Variants in TFRC observed in about 807,000 individuals in gnomAD.
TFRC encodes the protein transferrin receptor.
In TFRC, 35 loss-of-function variants were observed where a neutral mutation model predicts 85.8. That is an observed-to-expected ratio of 0.41 (90% confidence interval 0.31 to 0.54). TFRC has a LOEUF of 0.54. Among genes scored for constraint, TFRC ranks in the 20% least tolerant of loss-of-function variants. TFRC has a pLI of 0.31. For missense variants in TFRC, 828 were observed against 921.5 expected (o/e 0.90, Z 1.31); for synonymous variants, 362 against 328.6 (o/e 1.10, Z -1.10).
At chr3:196,071,864 A>G in intron 5 of TFRC, 139 bp downstream of exon 5, 1 of 897,394 alleles carries the variant, frequency 1.1e-6, no homozygotes, top group Non-Finnish European at 1.7e-6. Flanking sequence ...AGATTGTGCC[A>G]CTGCACTCCA....
chr3:196,066,305 T>C (rs1577236640), intron 9 of TFRC, among the ~76,000 whole-genome samples: 1 of 152,118 alleles, frequency 6.6e-6, no homozygotes, highest in South Asian at 2.1e-4. Flanking sequence ...ATAAAAAATA[T>C]TCCTCAGCTG....
Position 196,065,431 on chromosome 3 carries a change from G to GC in TFRC, c.1198+11_1198+12insG. 4 of 468,608 alleles carry GC rather than the reference G, an allele frequency of 8.5e-6. No individual in the cohort carries two copies. The highest frequency in any genetic ancestry group is 1.2e-5 in the Non-Finnish European group (4 of 338,928). The allele number at this position is 468,608 out of a possible 1,614,324, so 29.0% of individuals were successfully genotyped here. On this transcript the variant is annotated intron_variant, in intron 10 of 18. Coordinates refer to ENST00000360110, the MANE Select transcript of TFRC (RefSeq NM_001128148.3). ...AAAAAGCGGGGCGGGGGGGGGGGGG[G>GC]GCGGTCTTTACCTGGTTCTACAAAG... is the stretch of plus-strand genomic sequence containing the variant.
chr3:196,062,578 T>G lies in TFRC; in HGVS notation c.1468+4A>C, dbSNP rs547419625. The G allele has an allele frequency of 1.9e-6, 3 of 1,606,776 alleles. No homozygotes were observed. Among genetic ancestry groups the G allele is most frequent in the African/African-American group, 1.3e-5 (1 of 74,596 alleles). Reference sequence around the variant, plus strand: ...CATACACAGCTAATGAAAGGGATACTTACCAAGAACCGCTTTATCCAGATT... The same window carrying G: ...CATACACAGCTAATGAAAGGGATACGTACCAAGAACCGCTTTATCCAGATT... On this transcript the variant is annotated splice_donor_region_variant and intron_variant, in intron 13 of 18. Transcript: ENST00000360110.
At position 196,065,649 on chromosome 3, in the gene TFRC, G is replaced by A. The variant is rs757044558; in HGVS notation, c.1041-49C>T. 9.7e-6 allele frequency: 15 copies of A among 1,552,150 alleles called. No individual in the cohort carries two copies. In the South Asian group the frequency reaches 1.8e-4, roughly 19 times the overall value. ...GTTCTGAGTTATTGTTCCTTGCCCA[G>A]GGTTTACTCCTGTCCAGTGAAGTTA... is the stretch of plus-strand genomic sequence containing the variant. On this transcript the variant is annotated intron_variant, in intron 9 of 18. Transcript: ENST00000360110.
intron 16 of TFRC, chr3:196,055,576 C>A: frequency 2.0e-6 from 1 of 493,882 alleles, no homozygotes; most frequent in Non-Finnish European, 3.7e-6. Flanking sequence ...AGACTTCTAG[C>A]CAAATTCCTT....
chr3:196,060,288 G>T (rs374310004), intron 13 of TFRC, 41 bp from the exon 14 acceptor site: 1 of 1,545,176 alleles, frequency 6.5e-7, no homozygotes, highest in South Asian at 1.1e-5. Context: ...TCTCCATTCC[G>T]ATAATTTTCA....
At position 196,081,232 on chromosome 3, in the gene TFRC, T is replaced by C. The variant is rs41300413; in HGVS notation, c.-24+811A>G. ...AGTCACTCCTATGGCTCCCGTCTTGTAGTGAGAACTGCTAGCAATATTCTT... is the reference window on the plus strand; with the variant it reads ...AGTCACTCCTATGGCTCCCGTCTTGCAGTGAGAACTGCTAGCAATATTCTT... On this transcript the variant is annotated intron_variant, in intron 1 of 18. Transcript: ENST00000360110. 9.2e-3 allele frequency among the ~76,000 whole-genome samples: 1,408 copies of C among 152,314 alleles called. 10 individuals carry two copies. The highest frequency in any genetic ancestry group is 0.015 in the Non-Finnish European group (1,044 of 68,028).
At chr3:196,068,950 A>C (rs1011708233) in intron 7 of TFRC, among the ~76,000 whole-genome samples, 23 of 151,794 alleles carry the variant, frequency 1.5e-4, no homozygotes, top group Admixed American at 3.9e-4. Context: ...AAAAAAGAAA[A>C]GAAAAATAAC....
At chr3:196,064,857 A>G (rs1717582911) in intron 10 of TFRC, among the ~76,000 whole-genome samples, 1 of 152,238 alleles carries the variant, frequency 6.6e-6, no homozygotes, top group Non-Finnish European at 1.5e-5. Flanking sequence ...CTGCCCCCTT[A>G]AGAAATTTGC....
Position 196,080,153 on chromosome 3 carries a change from G to C in TFRC, c.-24+1890C>G, listed in dbSNP as rs118084882. ...TGGCATCTCGCTGTCGCGCAGGCTG[G>C]AGTGCAGTAGCACGATCTCAGCTCA... On this transcript the variant is annotated intron_variant, in intron 1 of 18. Coordinates refer to ENST00000360110, the MANE Select transcript of TFRC (RefSeq NM_001128148.3). Among the ~76,000 whole-genome samples the C allele has an allele frequency of 4.6e-3, 693 of 152,254 alleles. 33 individuals are homozygous for C. The East Asian group carries it at 0.077, about 17-fold the overall frequency.
intron 4 of TFRC, among the ~76,000 whole-genome samples, chr3:196,073,715 T>G (rs1718420549): frequency 6.6e-6 from 1 of 152,122 alleles, no homozygotes; most frequent in African/African-American, 2.4e-5. Flanking sequence ...TATTAATTTT[T>G]TAAGAAAAAG....
At position 196,069,540 on chromosome 3, in the gene TFRC, G is replaced by A. The variant is rs764651246; in HGVS notation, c.716C>T (p.Thr239Ile). ...TGKLVHANFG[T>I]KKDFEDLYTP... ...GTATAAATCCTCAAAATCTTTTTTA[G>A]TACCAAAATTAGCATGGACCAGTTT... Residue 239 changes from threonine to isoleucine, a missense_variant, in exon 7 of 19, where the codon ACT becomes ATT. Transcript: ENST00000360110. 3 of 1,611,800 alleles carry A rather than the reference G, an allele frequency of 1.9e-6. No individual in the cohort carries two copies. The East Asian group carries it at 6.7e-5, about 36-fold the overall frequency.
In TFRC at chr3:196,077,305, A is replaced by G. The variant is rs149904348; in HGVS notation, c.-23-183T>C. Among the ~76,000 whole-genome samples, 29 of 152,252 alleles carry G rather than the reference A, an allele frequency of 1.9e-4. No homozygotes were observed. In the East Asian group the frequency reaches 5.6e-3, roughly 29 times the overall value. On this transcript the variant is annotated intron_variant, in intron 1 of 18. Transcript: ENST00000360110. Reference sequence around the variant, plus strand: ...TGGGATCCTTTTTAAAGTTTGTTATATACATAATTCTTTTTTTTTCTTTTT... The same window carrying G: ...TGGGATCCTTTTTAAAGTTTGTTATGTACATAATTCTTTTTTTTTCTTTTT...
At position 196,051,908 on chromosome 3, in the gene TFRC, C is replaced by T. The variant is rs775418590; in HGVS notation, c.*34G>A. ...AGCACAAGTCTAGAAACCAGACTAC[C>T]CTGCTGTTCTCATGGAAGCTATGGG... On this transcript the variant is annotated 3_prime_UTR_variant, in exon 19 of 19. Coordinates refer to ENST00000360110, the MANE Select transcript of TFRC (RefSeq NM_001128148.3). 13 of 1,605,498 alleles carry T rather than the reference C, an allele frequency of 8.1e-6. No homozygotes were observed. The highest frequency in any genetic ancestry group is 3.3e-5 in the South Asian group (3 of 90,196).
intron 11 of TFRC, 87 bp from the exon 12 acceptor site, chr3:196,063,026 G>C: frequency 9.8e-7 from 1 of 1,018,636 alleles, no homozygotes; most frequent in Non-Finnish European, 1.5e-6. Flanking sequence ...GAATCAGAAG[G>C]TCTAATTCCA....
intron 6 of TFRC, 104 bp downstream of exon 6, chr3:196,071,291 AT>A (rs1377836138): frequency 2.1e-5 from 23 of 1,095,732 alleles, no homozygotes; most frequent in Admixed American, 1.6e-4. Context: ...ATATCTCATG[AT>A]CATTTACATT....
intron 2 of TFRC, among the ~76,000 whole-genome samples, chr3:196,075,949 G>A (rs551493261): frequency 2.7e-5 from 4 of 148,232 alleles, no homozygotes; most frequent in Admixed American, 2.0e-4. Context: ...CCAACATGGT[G>A]AAATCCCCTC....
intron 16 of TFRC, 32 bp from the exon 17 acceptor site, chr3:196,055,333 G>A (rs757606678): frequency 9.5e-6 from 15 of 1,577,142 alleles, no homozygotes; most frequent in East Asian, 4.5e-5. Flanking sequence ...TGGTACTCAC[G>A]TGAGTTCTAA....
intron 11 of TFRC, chr3:196,063,150 T>C (rs1486633021): frequency 4.0e-6 from 2 of 503,548 alleles, no homozygotes; most frequent in South Asian, 2.4e-5. Flanking sequence ...TAATTTTTTT[T>C]AAAGTAACCT....
Sources: allele counts gnomAD v4.1 joint callset (sites outside exome capture counted in the v4.1 genomes callset), GRCh38; gene constraint gnomAD v4.1.1; transcripts MANE v1.5; gene names NCBI Gene and HGNC (gene_info 2026-07-23, HGNC 2026-07-21).